The following DCDC1 variants were observed in gnomAD, a reference collection of about 807,000 sequenced individuals.
DCDC1 encodes doublecortin domain-containing protein 1.
In DCDC1, 200 loss-of-function variants were observed where a neutral mutation model predicts 178.3. That is an observed-to-expected ratio of 1.12 (90% CI 1.00 to 1.26). DCDC1 has a LOEUF of 1.26. Among genes scored for constraint, DCDC1 ranks in the 50% most tolerant of loss-of-function variants. DCDC1 has a pLI of 0.00. For missense variants in DCDC1, 1,983 were observed against 1,749.2 expected (o/e 1.13, Z -2.38); for synonymous variants, 690 against 604.8 (o/e 1.14, Z -2.07).
intron 8 of DCDC1, among the ~76,000 whole-genome samples, chr11:31,256,674 T>C (rs1281191419): frequency 2.0e-5 from 3 of 152,178 alleles, no homozygotes; most frequent in South Asian, 2.1e-4. Flanking sequence ...TTGGGTCATG[T>C]AGTTGAATAT....
At chr11:30,996,481 A>T (rs10767885) in intron 20 of DCDC1, among the ~76,000 whole-genome samples, 70,233 of 151,578 alleles carry the variant, frequency 0.46, 17,434 homozygotes, top group Middle Eastern at 0.58. Flanking sequence ...GAGTATTGGG[A>T]AGTGTGACCT....
chr11:31,354,745 G>A (rs1951245111), intron 1 of DCDC1, among the ~76,000 whole-genome samples: 3 of 152,148 alleles, frequency 2.0e-5, no homozygotes, highest in Admixed American at 2.0e-4. Flanking sequence ...AAATTGACTT[G>A]AACGCTAGAC....
chr11:31,321,483 A>C (rs1398631210), intron 3 of DCDC1, among the ~76,000 whole-genome samples: 1 of 152,062 alleles, frequency 6.6e-6, no homozygotes, highest in Non-Finnish European at 1.5e-5. Flanking sequence ...TGCGCTTCCC[A>C]GGTGAGGCAA....
intron 20 of DCDC1, among the ~76,000 whole-genome samples, chr11:31,062,618 A>G (rs1414437971): frequency 6.6e-6 from 1 of 152,140 alleles, no homozygotes; most frequent in Non-Finnish European, 1.5e-5. Flanking sequence ...TTTGTGTTCT[A>G]TCTTCAAAAC....
chr11:30,974,372 T>A (rs1949988758), intron 20 of DCDC1, among the ~76,000 whole-genome samples: 1 of 142,840 alleles, frequency 7.0e-6, no homozygotes, highest in African/African-American at 2.6e-5. Context: ...AGGAAAGAAA[T>A]AATATCAGAG....
intron 32 of DCDC1, among the ~76,000 whole-genome samples, chr11:30,902,298 A>G (rs1944740199): frequency 6.6e-6 from 1 of 152,134 alleles, no homozygotes; most frequent in Non-Finnish European, 1.5e-5. Context: ...CCACTGTGTG[A>G]GGACAAAACA....
chr11:31,077,897 C>T lies in DCDC1; in HGVS notation c.2266G>A (p.Val756Met). The T allele has an allele frequency of 1.3e-6, 1 of 766,244 alleles. No individual in the cohort carries two copies. The allele number at this position is 766,244 out of a possible 1,614,324, so 47.5% of individuals were successfully genotyped here. ...RHSGDDSQKW[V>M]FGTDGCIYSK... ...TAAATGCAACCATCAGTTCCAAACA[C>T]CCACTTCTGAGAGTCATCTCCACTA... The change falls in exon 18 of 39, where the codon GTG (valine) becomes ATG (methionine). Residue 756 changes from valine to methionine, a missense_variant. Coordinates refer to ENST00000684477, the MANE Select transcript of DCDC1 (RefSeq NM_001387274.1).
chr11:30,969,583 A>C (rs561172865), intron 20 of DCDC1, among the ~76,000 whole-genome samples: 6 of 152,220 alleles, frequency 3.9e-5, no homozygotes, highest in Non-Finnish European at 8.8e-5. Flanking sequence ...CAGCCAAAGG[A>C]AACTAATATA....
rs1276190350 is a variant in DCDC1 at position 30,888,032 on chromosome 11, G to GAGAA, written c.5082+4782_5082+4785dup. Among the ~76,000 whole-genome samples the GAGAA allele has an allele frequency of 2.2e-3, 244 of 111,452 alleles. 3 individuals carry two copies. Among genetic ancestry groups the GAGAA allele is most frequent in the East Asian group, 5.3e-3 (21 of 3,988 alleles). 73.1% of individuals were successfully genotyped at this position (111,452 alleles called of 152,430 possible). A position where few individuals can be genotyped will look rare whatever the true frequency, so the allele number is the denominator to read the frequency against. On this transcript the variant is annotated intron_variant, in intron 36 of 38. Coordinates refer to ENST00000684477, the MANE Select transcript of DCDC1 (RefSeq NM_001387274.1). ...AAAAAAAGAAAGAAAGAGAGAGAGA[G>GAGAA]AGAAAGAAAGAAAGAAAGAAAGAAA...
chr11:31,079,156 T>C (rs1459292564), intron 17 of DCDC1, among the ~76,000 whole-genome samples: 1 of 152,166 alleles, frequency 6.6e-6, no homozygotes, highest in Non-Finnish European at 1.5e-5. Flanking sequence ...GAACTTTTAG[T>C]GTCCCTGTGC....
rs781240015 is a variant in DCDC1, at chr11:30,911,438, A to C, written c.3654-18T>G. 3.8e-6 allele frequency: 6 copies of C among 1,574,206 alleles called. No homozygotes were observed. Among genetic ancestry groups the C allele is most frequent in the Non-Finnish European group, 8.6e-7 (1 of 1,157,152 alleles). The stretch of plus-strand genomic sequence containing the variant: ...GAAAGGTCCTTGGGAAAACAGGATT[A>C]GCCACATTACAAAGTAGCATGACCA... On this transcript the variant is annotated intron_variant, in intron 27 of 38. Transcript: ENST00000684477.
intron 1 of DCDC1, among the ~76,000 whole-genome samples, chr11:31,346,477 A>G (rs1341494810): frequency 6.6e-6 from 1 of 151,562 alleles, no homozygotes; most frequent in African/African-American, 2.4e-5. Context: ...AAAAAAAAAA[A>G]AAAAAAAAAA....
At chr11:30,925,006 G>C (rs1219224462) in intron 23 of DCDC1, among the ~76,000 whole-genome samples, 1 of 151,904 alleles carries the variant, frequency 6.6e-6, no homozygotes, top group Non-Finnish European at 1.5e-5. Context: ...ATGGGAGGCA[G>C]AGGTTGCAGT....
At chr11:31,309,522 C>G (rs1357917401) in intron 3 of DCDC1, among the ~76,000 whole-genome samples, 1 of 152,112 alleles carries the variant, frequency 6.6e-6, no homozygotes, top group Non-Finnish European at 1.5e-5. Flanking sequence ...ACACGGTTAC[C>G]AAGCTCTTCA....
At chr11:31,174,155 C>A (rs1967653150) in intron 9 of DCDC1, among the ~76,000 whole-genome samples, 1 of 152,010 alleles carries the variant, frequency 6.6e-6, no homozygotes, top group Non-Finnish European at 1.5e-5. Flanking sequence ...CCAGGTGCAA[C>A]TGCAGCCGCC....
At chr11:31,044,142 T>C (rs531388661) in intron 20 of DCDC1, among the ~76,000 whole-genome samples, 6 of 150,052 alleles carry the variant, frequency 4.0e-5, no homozygotes, top group African/African-American at 1.5e-4. Flanking sequence ...ACACAGCGAG[T>C]TTTCACCAGT....
At chr11:31,014,988 C>T (rs1296029079) in intron 20 of DCDC1, among the ~76,000 whole-genome samples, 4 of 151,028 alleles carry the variant, frequency 2.6e-5, no homozygotes, top group African/African-American at 7.3e-5. Context: ...CGCTCTGTCG[C>T]CCGGGCTGGA....
chr11:30,865,494 A>C (rs144710660), intron 38 of DCDC1, among the ~76,000 whole-genome samples, 162 bp from the exon 39 acceptor site: 2 of 152,334 alleles, frequency 1.3e-5, no homozygotes, highest in Non-Finnish European at 1.5e-5. Context: ...TAGGGTTTGT[A>C]AAATTTATAG....
chr11:31,291,502 A>G (rs752728271), intron 6 of DCDC1, among the ~76,000 whole-genome samples: 4 of 152,098 alleles, frequency 2.6e-5, no homozygotes, highest in Non-Finnish European at 4.4e-5. Context: ...TCCCACTAAT[A>G]TAAACAGGAG....
Sources: allele counts gnomAD v4.1 joint callset (sites outside exome capture counted in the v4.1 genomes callset), GRCh38; gene constraint gnomAD v4.1.1; transcripts MANE v1.5; gene names NCBI Gene and HGNC (gene_info 2026-07-23, HGNC 2026-07-21).